CFAP299: variants seen among roughly 807,000 people sequenced by gnomAD.
CFAP299 encodes the protein cilia- and flagella-associated protein 299.
Under a neutral mutation model 27.0 loss-of-function variants are expected in CFAP299, and 21 were observed. The ratio of observed to expected loss-of-function variants is 0.78; its 90% confidence interval spans 0.55 to 1.12. The LOEUF is 1.12. Ranked by LOEUF, CFAP299 falls within the 50% of genes most tolerant of loss-of-function variation. The probability of loss-of-function intolerance (pLI) is 0.00; values close to 1 mark genes in which losing one functional copy is unlikely to be tolerated. For synonymous variants in CFAP299, 104 were observed against 98.1 expected, an observed-to-expected ratio of 1.06 and a Z score of -0.36; for missense variants, 310 against 276.6, an observed-to-expected ratio of 1.12 and a Z score of -0.86.
chr4:80,666,550 C>A (rs1246694227), intron 3 of CFAP299, among the ~76,000 whole-genome samples: 1 of 152,146 alleles, frequency 6.6e-6, no homozygotes, highest in African/African-American at 2.4e-5. Context: ...CCTTCCTTCT[C>A]ATCTTATGTC....
upstream of CFAP299, among the ~76,000 whole-genome samples, chr4:80,333,755 C>T (rs187549754): frequency 6.6e-6 from 1 of 152,234 alleles, no homozygotes; most frequent in East Asian, 1.9e-4. Context: ...TTTCTGGGAT[C>T]GGTGCTAAAT....
chr4:80,781,254 T>A (rs1019533622), intron 3 of CFAP299, among the ~76,000 whole-genome samples: 2 of 152,020 alleles, frequency 1.3e-5, no homozygotes, highest in Admixed American at 6.6e-5. Flanking sequence ...TTATTAATAT[T>A]GTTGATCCTT....
chr4:80,443,747 G>A lies in CFAP299; in HGVS notation c.242+80863G>A, dbSNP rs142808105. The stretch of plus-strand genomic sequence containing the variant: ...GAAGAGAGGAAGTCAAATTGTCTCT[G>A]TTTGCAGATGACATGATTGTATATT... On this transcript the variant is annotated intron_variant, in intron 2 of 5. Coordinates refer to ENST00000358105, the MANE Select transcript of CFAP299 (RefSeq NM_152770.3). Among the ~76,000 whole-genome samples, 1,499 of 152,282 alleles carry A rather than the reference G, an allele frequency of 9.8e-3. 11 individuals carry two copies. The highest frequency in any genetic ancestry group is 0.013 in the Non-Finnish European group (904 of 68,008).
intron 2 of CFAP299, among the ~76,000 whole-genome samples, chr4:80,425,943 T>C (rs1312530715): frequency 6.6e-6 from 1 of 152,200 alleles, no homozygotes. Flanking sequence ...CCAGAAATGC[T>C]TCAAATATGC....
intron 4 of CFAP299, among the ~76,000 whole-genome samples, chr4:80,923,793 T>A (rs1397148346): frequency 6.6e-6 from 1 of 151,994 alleles, no homozygotes; most frequent in Non-Finnish European, 1.5e-5. Flanking sequence ...GTGAAAACCA[T>A]CCATTTTAAA....
chr4:80,923,171 A>ACAATAGTTCACC (rs1352550850), intron 4 of CFAP299, among the ~76,000 whole-genome samples: 3 of 152,016 alleles, frequency 2.0e-5, no homozygotes, highest in Non-Finnish European at 2.9e-5. Flanking sequence ...TTCTGCTAAC[A>ACAATAGTTCACC]CAATAGTTCA....
intron 2 of CFAP299, among the ~76,000 whole-genome samples, chr4:80,394,133 C>G (rs1246383894): frequency 6.6e-6 from 1 of 152,184 alleles, no homozygotes; most frequent in Non-Finnish European, 1.5e-5. Context: ...TGAGGCATCT[C>G]CAGGCAAGTG....
rs573712672 is a variant in CFAP299 at position 80,456,329 on chromosome 4, T to C, written c.242+93445T>C. On this transcript the variant is annotated intron_variant, in intron 2 of 5. Coordinates refer to ENST00000358105, the MANE Select transcript of CFAP299 (RefSeq NM_152770.3). ...CTCAGAGGAGTGTCCAGATATCTGA[T>C]ATAAAGGGATCTCCCTCTGGCTATA... is the stretch of plus-strand genomic sequence containing the variant. 1.9e-4 allele frequency among the ~76,000 whole-genome samples: 29 copies of C among 152,150 alleles called. No individual in the cohort carries two copies. In the South Asian group the frequency reaches 6.0e-3, roughly 32 times the overall value.
At chr4:80,655,339 G>T (rs1042456397) in intron 3 of CFAP299, among the ~76,000 whole-genome samples, 20 of 152,010 alleles carry the variant, frequency 1.3e-4, no homozygotes, top group Non-Finnish European at 2.4e-4. Context: ...ACAAAAATAA[G>T]CTATCGTCTA....
At chr4:80,330,913 A>T (rs1361885696), upstream of CFAP299, among the ~76,000 whole-genome samples, 1 of 152,194 alleles carries the variant, frequency 6.6e-6, no homozygotes, top group Non-Finnish European at 1.5e-5. Flanking sequence ...GATGCTGAGG[A>T]TATAGTGGTG....
intron 3 of CFAP299, among the ~76,000 whole-genome samples, chr4:80,611,820 T>C (rs1737997653): frequency 6.6e-6 from 1 of 152,070 alleles, no homozygotes; most frequent in African/African-American, 2.4e-5. Flanking sequence ...CTCACTATTG[T>C]AGGTCTTGAC....
chr4:80,704,712 G>A lies in CFAP299; in HGVS notation c.333+121529G>A, dbSNP rs921863740. On this transcript the variant is annotated intron_variant, in intron 3 of 5. Transcript: ENST00000358105. ...AATTATAATAAAATGAATAAATATTGGTTACCAAAACAATCTAATATAATA... is the reference window on the plus strand; with the variant it reads ...AATTATAATAAAATGAATAAATATTAGTTACCAAAACAATCTAATATAATA... 4.0e-5 allele frequency among the ~76,000 whole-genome samples: 6 copies of A among 151,756 alleles called. 1 individual carries two copies. The highest frequency in any genetic ancestry group is 3.9e-4 in the Admixed American group (6 of 15,196).
chr4:80,412,273 CTTT>C (rs11446475), intron 2 of CFAP299, among the ~76,000 whole-genome samples: 1 of 146,622 alleles, frequency 6.8e-6, no homozygotes. Flanking sequence ...ACATATAGTC[CTTT>C]TTTTTTTTTG....
intron 3 of CFAP299, among the ~76,000 whole-genome samples, chr4:80,819,143 T>C (rs550592176): frequency 6.6e-6 from 1 of 152,170 alleles, no homozygotes; most frequent in South Asian, 2.1e-4. Flanking sequence ...ATTTAAGTGA[T>C]GAATCCTCAG....
chr4:80,861,914 T>C (rs1732396520), intron 3 of CFAP299, among the ~76,000 whole-genome samples: 1 of 152,114 alleles, frequency 6.6e-6, no homozygotes, highest in South Asian at 2.1e-4. Context: ...TCTAAGTAAA[T>C]TACCAGTTCA....
chr4:80,361,656 A>T (rs1016800308), intron 1 of CFAP299, among the ~76,000 whole-genome samples: 3 of 152,210 alleles, frequency 2.0e-5, no homozygotes, highest in African/African-American at 7.2e-5. Flanking sequence ...TGGCAAATGT[A>T]TACACATTGC....
In CFAP299 at chr4:80,778,810, G is replaced by C. The variant is rs528200005; in HGVS notation, c.334-91183G>C. On this transcript the variant is annotated intron_variant, in intron 3 of 5. Coordinates refer to ENST00000358105, the MANE Select transcript of CFAP299 (RefSeq NM_152770.3). The stretch of plus-strand genomic sequence containing the variant: ...ACAAAACTATAGCACAATATTACAA[G>C]CAGTATATTGTCATTGACACAATCC... Among the ~76,000 whole-genome samples the C allele has an allele frequency of 5.3e-5, 8 of 152,094 alleles. No homozygotes were observed. The South Asian group carries it at 1.7e-3, about 32-fold the overall frequency.
chr4:80,413,127 G>A (rs1495488), intron 2 of CFAP299, among the ~76,000 whole-genome samples: 143,083 of 152,318 alleles, frequency 0.94, 67,754 homozygotes, highest in East Asian at 1. Flanking sequence ...CCACCTGTGC[G>A]ATAACATGAA....
chr4:80,880,516 G>A (rs1163772240), intron 4 of CFAP299, among the ~76,000 whole-genome samples: 2 of 152,084 alleles, frequency 1.3e-5, no homozygotes, highest in African/African-American at 4.8e-5. Flanking sequence ...CAGATCACAA[G>A]GTCAGGAATT....
Sources: gnomAD v4.1 joint callset for allele counts (sites outside exome capture counted in the v4.1 genomes callset) on GRCh38, gnomAD v4.1.1 for gene constraint, MANE v1.5 for transcripts, NCBI Gene and HGNC (gene_info 2026-07-23, HGNC 2026-07-21) for gene names.